The following PCDHA12 variants were observed in gnomAD, a reference collection of about 807,000 sequenced individuals.
The protein encoded by PCDHA12 is protocadherin alpha 12, also known as protocadherin alpha-12.
PCDHA12 carries 44 observed loss-of-function variants against 60.0 expected under a neutral mutation model. The observed-to-expected ratio is 0.73, with a 90% CI of 0.58 to 0.94. The LOEUF (loss-of-function observed/expected upper bound fraction) is 0.94. Ranked by LOEUF, PCDHA12 falls within the 40% of genes least tolerant of loss-of-function variation. The pLI is 0.00. For synonymous variants in PCDHA12, 569 were observed against 553.0 expected (o/e 1.03, Z -0.40); for missense variants, 1,276 against 1,239.7 (o/e 1.03, Z -0.44).
chr5:140,905,248 C>T (rs143714633), intron 1 of PCDHA12, among the ~76,000 whole-genome samples: 1,610 of 152,202 alleles, frequency 0.011, 17 homozygotes, highest in African/African-American at 0.028. Flanking sequence ...TTCATTCTTC[C>T]ACATGAGGCT....
At chr5:140,967,059 C>T in intron 1 of PCDHA12, 1 of 1,612,750 alleles carries the variant, frequency 6.2e-7, no homozygotes, top group Non-Finnish European at 8.5e-7. Flanking sequence ...ACGAGTGGAG[C>T]GCTCTTCGTC....
rs1554168956 is a variant in PCDHA12, at chr5:140,876,806, T to C, written c.1334T>C (p.Val445Ala). Reference sequence around the variant, plus strand: ...GCCACGGCTAGAGTGTCCGTGGAGGTGGCCGACGTGAACGACAATGCGCCT... The same window carrying C: ...GCCACGGCTAGAGTGTCCGTGGAGGCGGCCGACGTGAACGACAATGCGCCT... The part of the protein sequence containing the change: ...LWATARVSVE[V>A]ADVNDNAPAF... The change falls in exon 1 of 4, where the codon GTG (valine) becomes GCG (alanine). Residue 445 changes from valine (V) to alanine (A), a missense_variant. Physicochemically the swap from Val to Ala is moderately conservative, Grantham distance 64. Transcript: ENST00000398631. 1.2e-6 allele frequency: 2 copies of C among 1,613,976 alleles called. No individual in the cohort carries two copies. Among genetic ancestry groups the C allele is most frequent in the South Asian group, 2.2e-5 (2 of 91,068 alleles).
chr5:141,009,021 G>A (rs997779963), intron 3 of PCDHA12, among the ~76,000 whole-genome samples: 1 of 152,246 alleles, frequency 6.6e-6, no homozygotes, highest in Non-Finnish European at 1.5e-5. Context: ...TTTAGGCTCT[G>A]TATTTCCCAT....
At chr5:140,969,968 G>A (rs935403265) in intron 1 of PCDHA12, among the ~76,000 whole-genome samples, 2 of 152,200 alleles carry the variant, frequency 1.3e-5, no homozygotes, top group Non-Finnish European at 2.9e-5. Flanking sequence ...GCTGTATGAT[G>A]TGGCAACTCT....
chr5:140,967,218 C>T, intron 1 of PCDHA12: 3 of 1,613,744 alleles, frequency 1.9e-6, no homozygotes, highest in South Asian at 1.1e-5. Flanking sequence ...TTCCCGCGGC[C>T]CAACTACCAG....
rs1038789772 is a variant in PCDHA12, at chr5:140,894,031, G to C, written c.2367+16192G>C. On this transcript the variant is annotated intron_variant, in intron 1 of 3. Transcript: ENST00000398631. ...TTCAAATTACCAGTTCTGCATACTG[G>C]TAATGTAAGTCCTCTGTTGAATTGA... Among the ~76,000 whole-genome samples, 3 of 152,204 alleles carry C rather than the reference G, an allele frequency of 2.0e-5. No homozygotes were observed. In the South Asian group the frequency reaches 6.2e-4, roughly 32 times the overall value.
At chr5:140,896,262 T>C (rs2065465092) in intron 1 of PCDHA12, among the ~76,000 whole-genome samples, 2 of 152,258 alleles carry the variant, frequency 1.3e-5, no homozygotes, top group African/African-American at 4.8e-5. Flanking sequence ...TGTACACAGT[T>C]ATGGGATTTG....
chr5:140,978,787 C>G (rs1164015518), intron 1 of PCDHA12, 162 bp from the exon 2 acceptor site: 2 of 972,388 alleles, frequency 2.1e-6, no homozygotes, highest in Non-Finnish European at 2.4e-6. Context: ...TTCTAAAGTG[C>G]TATATATGTA....
At chr5:140,911,620 C>T (rs2075566183) in intron 1 of PCDHA12, among the ~76,000 whole-genome samples, 1 of 152,146 alleles carries the variant, frequency 6.6e-6, no homozygotes, top group Non-Finnish European at 1.5e-5. Context: ...CTTAGTTCCC[C>T]ACATATGGTC....
At chr5:140,926,196 T>C (rs1175807987) in intron 1 of PCDHA12, among the ~76,000 whole-genome samples, 1 of 151,596 alleles carries the variant, frequency 6.6e-6, no homozygotes, top group Non-Finnish European at 1.5e-5. Context: ...CAGCACTTCT[T>C]TCGGGGGGCT....
At chr5:140,938,827 C>T (rs905501922) in intron 1 of PCDHA12, among the ~76,000 whole-genome samples, 4 of 151,880 alleles carry the variant, frequency 2.6e-5, no homozygotes, top group Non-Finnish European at 4.4e-5. Context: ...CATGAGTTTG[C>T]GTTATAACAA....
chr5:140,891,344 T>C (rs952306829), intron 1 of PCDHA12, among the ~76,000 whole-genome samples: 2 of 152,166 alleles, frequency 1.3e-5, no homozygotes, highest in East Asian at 1.9e-4. Flanking sequence ...GAGATTTTGG[T>C]GCATCCATCA....
At chr5:140,919,713 G>C (rs1370532221) in intron 1 of PCDHA12, among the ~76,000 whole-genome samples, 1 of 152,096 alleles carries the variant, frequency 6.6e-6, no homozygotes, top group African/African-American at 2.4e-5. Context: ...ATTCTAGTGA[G>C]ATATAAATAT....
At chr5:140,977,671 A>G (rs2096770792) in intron 1 of PCDHA12, among the ~76,000 whole-genome samples, 1 of 152,178 alleles carries the variant, frequency 6.6e-6, no homozygotes, top group South Asian at 2.1e-4. Flanking sequence ...CTGCATGCCA[A>G]ATATCATGTA....
At chr5:140,958,374 A>G (rs953397625) in intron 1 of PCDHA12, among the ~76,000 whole-genome samples, 3 of 152,134 alleles carry the variant, frequency 2.0e-5, no homozygotes, top group African/African-American at 7.2e-5. Context: ...GAATGTTGCT[A>G]TTTTCTTAAC....
chr5:141,008,439 G>A (rs2098377388), intron 3 of PCDHA12, among the ~76,000 whole-genome samples: 1 of 152,128 alleles, frequency 6.6e-6, no homozygotes, highest in African/African-American at 2.4e-5. Context: ...TGCCCAGACA[G>A]ACCATTACCC....
At chr5:141,009,488 C>T (rs2098409682) in intron 3 of PCDHA12, 139 bp from the exon 4 acceptor site, 4 of 1,469,622 alleles carry the variant, frequency 2.7e-6, no homozygotes, top group Non-Finnish European at 3.6e-6. Context: ...CTTGCCTTGC[C>T]CTCAGACTTG....
In PCDHA12 at chr5:141,009,782, C is replaced by G; in HGVS notation, c.2671C>G (p.Arg891Gly). ...AGGATCTCCTGCAATCATCTCCATC[C>G]GGCAGGAGCCTACTAACAGCCAAAT... ...IPGSPAIISI[R>G]QEPTNSQIDK... Residue 891 changes from arginine to glycine, a missense_variant, in exon 4 of 4, where the codon CGG becomes GGG. By Grantham distance (125) the Arg-to-Gly change is moderately radical. Transcript: ENST00000398631. 1.2e-6 allele frequency: 2 copies of G among 1,614,074 alleles called. No homozygotes were observed. Among genetic ancestry groups the G allele is most frequent in the Non-Finnish European group, 1.7e-6 (2 of 1,180,012 alleles).
chr5:140,954,091 A>G (rs1055518318), intron 1 of PCDHA12, among the ~76,000 whole-genome samples: 1 of 152,204 alleles, frequency 6.6e-6, no homozygotes, highest in African/African-American at 2.4e-5. Flanking sequence ...AGCTCCATCC[A>G]TGTCCCTGCA....
Sources: gnomAD v4.1 joint callset for allele counts (sites outside exome capture counted in the v4.1 genomes callset) on GRCh38, gnomAD v4.1.1 for gene constraint, MANE v1.5 for transcripts, NCBI Gene and HGNC (gene_info 2026-07-23, HGNC 2026-07-21) for gene names.